OR1L8: variants seen among roughly 807,000 people sequenced by gnomAD.
OR1L8 encodes the protein olfactory receptor family 1 subfamily L member 8, also known as olfactory receptor 1L8.
For missense variants in OR1L8, 330 were observed against 377.4 expected, an observed-to-expected ratio of 0.87 and a Z score of 1.04; for synonymous variants, 148 against 147.0, an observed-to-expected ratio of 1.01 and a Z score of -0.05.
chr9:122,580,442 TTAGTTGA>T (rs1268019636), intron 1 of OR1L8, among the ~76,000 whole-genome samples: 1 of 152,186 alleles, frequency 6.6e-6, no homozygotes, highest in Non-Finnish European at 1.5e-5. Context: ...TCTGTTTCCC[TTAGTTGA>T]TAGGTCTAAT....
chr9:122,568,801 T>C, intron 4 of OR1L8, 112 bp from the exon 5 acceptor site: 1 of 219,174 alleles, frequency 4.6e-6, no homozygotes, highest in East Asian at 1.0e-4. Flanking sequence ...GCCGGGGACA[T>C]AGCAATAGAG....
At chr9:122,548,459 T>G in the OR1L8 span, among the ~76,000 whole-genome samples, 19 of 152,194 alleles carry the variant, frequency 1.2e-4, no homozygotes, top group African/African-American at 4.6e-4. Context: ...GCAATCTTCT[T>G]GCACCTGCTG....
the OR1L8 span, among the ~76,000 whole-genome samples, chr9:122,555,165 A>G: frequency 6.6e-6 from 1 of 152,238 alleles, no homozygotes; most frequent in South Asian, 2.1e-4. Context: ...CTCACAGAGA[A>G]AAAGAAGCAC....
At chr9:122,561,428 T>C in the OR1L8 span, among the ~76,000 whole-genome samples, 1 of 152,150 alleles carries the variant, frequency 6.6e-6, no homozygotes, top group Non-Finnish European at 1.5e-5. Flanking sequence ...CTCTGGCCTT[T>C]TGGATTTTCA....
downstream of OR1L8, among the ~76,000 whole-genome samples, chr9:122,562,569 C>T (rs10739613): frequency 0.58 from 88,337 of 151,926 alleles, 26,197 homozygotes; most frequent in East Asian, 0.97. Context: ...GTGGGGACTC[C>T]CCTGCCCTGT....
At chr9:122,581,635 G>A (rs1829739437) in intron 1 of OR1L8, among the ~76,000 whole-genome samples, 2 of 148,678 alleles carry the variant, frequency 1.3e-5, no homozygotes, top group African/African-American at 5.2e-5. Context: ...AGGTAAGCGA[G>A]TGCCAATCTT....
chr9:122,548,589 T>TTATATATATATATATATATATA, the OR1L8 span, among the ~76,000 whole-genome samples: 178 of 151,248 alleles, frequency 1.2e-3, no homozygotes, highest in Non-Finnish European at 1.2e-3. Context: ...TTTAAAATTT[T>TTATATATATATATATATATATA]TATATATATA....
intron 1 of OR1L8, among the ~76,000 whole-genome samples, chr9:122,581,975 T>C (rs1037732553): frequency 1.3e-5 from 2 of 152,122 alleles, no homozygotes; most frequent in Admixed American, 1.3e-4. Flanking sequence ...TTCTTAAAGC[T>C]TCACAAGAAA....
At chr9:122,546,635 C>T in the OR1L8 span, among the ~76,000 whole-genome samples, 1 of 152,254 alleles carries the variant, frequency 6.6e-6, no homozygotes, top group South Asian at 2.1e-4. Context: ...TCTTCTTTCA[C>T]TTTACCACAA....
the OR1L8 span, chr9:122,554,099 G>T: frequency 6.2e-7 from 1 of 1,613,680 alleles, no homozygotes; most frequent in South Asian, 1.1e-5. Flanking sequence ...ATAGCTTGAG[G>T]AACAGAGACA....
At chr9:122,574,721 T>C (rs187794076) in intron 3 of OR1L8, among the ~76,000 whole-genome samples, 40 of 152,244 alleles carry the variant, frequency 2.6e-4, no homozygotes, top group African/African-American at 8.7e-4. Context: ...ATTTCCAGTA[T>C]GATGTTGAAA....
chr9:122,566,576 G>A (rs892194029), downstream of OR1L8, among the ~76,000 whole-genome samples: 1 of 152,086 alleles, frequency 6.6e-6, no homozygotes, highest in Non-Finnish European at 1.5e-5. Flanking sequence ...TACACTTTAT[G>A]GAATTAGTCA....
In OR1L8 at chr9:122,573,097, C is replaced by T. The variant is rs371286734; in HGVS notation, c.-341-189G>A. Among the ~76,000 whole-genome samples the T allele has an allele frequency of 1.9e-4, 29 of 152,318 alleles. No homozygotes were observed. The East Asian group carries it at 2.9e-3, about 15-fold the overall frequency. On this transcript the variant is annotated intron_variant, in intron 3 of 4. Coordinates refer to ENST00000641027, the MANE Select transcript of OR1L8 (RefSeq NM_001004454.2). ...GCAAGGACTCTTTTGATTGTGGAAG[C>T]CCAGTGAGCTTTCCATGGGTTTGAG...
At chr9:122,552,353 C>T in the OR1L8 span, among the ~76,000 whole-genome samples, 1 of 152,178 alleles carries the variant, frequency 6.6e-6, no homozygotes, top group East Asian at 1.9e-4. Flanking sequence ...TTCACCTTCC[C>T]TCCCTCTGGT....
At chr9:122,553,855 T>C in the OR1L8 span, 3 of 1,614,134 alleles carry the variant, frequency 1.9e-6, no homozygotes, top group South Asian at 3.3e-5. Context: ...GTTCCCCTCC[T>C]GCTGATCGTC....
rs538327547 is a variant in OR1L8 at position 122,578,748 on chromosome 9, G to T, written c.-599-303C>A. Among the ~76,000 whole-genome samples, 5 of 152,242 alleles carry T rather than the reference G, an allele frequency of 3.3e-5. No homozygotes were observed. In the East Asian group the frequency reaches 9.7e-4, roughly 29 times the overall value. On this transcript the variant is annotated intron_variant, in intron 1 of 4. Transcript: ENST00000641027. ...CGTATGTTCTCACTCATAAGTAGGA[G>T]CTGAGCTATGAGAACAAAAGGCATA...
chr9:122,563,181 G>GTT (rs1394601999), downstream of OR1L8, among the ~76,000 whole-genome samples: 1,370 of 90,210 alleles, frequency 0.015, 17 homozygotes, highest in African/African-American at 0.054. Context: ...ACTAGCATTT[G>GTT]TTATTTTTTT....
the OR1L8 span, chr9:122,553,753 A>G: frequency 9.3e-5 from 150 of 1,613,678 alleles, 1 homozygote; most frequent in Non-Finnish European, 1.2e-4. Flanking sequence ...CCTCATTTCT[A>G]TTGTGATCCT....
chr9:122,571,714 CAAA>C (rs35818693), intron 4 of OR1L8, among the ~76,000 whole-genome samples: 1 of 124,362 alleles, frequency 8.0e-6, no homozygotes, highest in Non-Finnish European at 1.7e-5. Context: ...GACTCAGTCT[CAAA>C]AAAAAAAAAA....
Sources: allele counts gnomAD v4.1 joint callset (sites outside exome capture counted in the v4.1 genomes callset), GRCh38; gene constraint gnomAD v4.1.1; transcripts MANE v1.5; gene names NCBI Gene and HGNC (gene_info 2026-07-23, HGNC 2026-07-21).